Variants in STK39 observed in about 807,000 individuals in gnomAD.
STK39 encodes STE20/SPS1-related proline-alanine-rich protein kinase.
STK39 carries 20 observed loss-of-function variants against 77.8 expected under a neutral mutation model. That is an observed-to-expected ratio of 0.26 (90% CI 0.18 to 0.37). The LOEUF is 0.37. Among genes scored for constraint, STK39 ranks in the 10% least tolerant of loss-of-function variants. The probability of loss-of-function intolerance (pLI) is 1.00; values close to 1 mark genes in which losing one functional copy is unlikely to be tolerated. For synonymous variants in STK39, 246 were observed against 234.1 expected (o/e 1.05, Z -0.47); for missense variants, 479 against 656.5 (o/e 0.73, Z 2.95).
At chr2:168,152,326 A>G (rs1688309822) in intron 5 of STK39, among the ~76,000 whole-genome samples, 1 of 152,188 alleles carries the variant, frequency 6.6e-6, no homozygotes, top group Non-Finnish European at 1.5e-5. Context: ...TCTCCTCTCT[A>G]CACCCAAGAC....
chr2:168,075,260 T>A, intron 10 of STK39, 29 bp from the exon 11 acceptor site: 7 of 1,612,202 alleles, frequency 4.3e-6, no homozygotes, highest in Non-Finnish European at 5.9e-6. Flanking sequence ...ACACAATTCT[T>A]CACTAGTCAA....
intron 8 of STK39, among the ~76,000 whole-genome samples, chr2:168,134,036 C>T (rs1687769629): frequency 6.6e-6 from 1 of 152,148 alleles, no homozygotes; most frequent in African/African-American, 2.4e-5. Flanking sequence ...TACAGCCTAC[C>T]TTTTAGCTGA....
At chr2:168,140,799 A>G (rs1239296958) in intron 5 of STK39, 41 bp from the exon 6 acceptor site, 3 of 1,476,710 alleles carry the variant, frequency 2.0e-6, no homozygotes, top group East Asian at 4.6e-5. Flanking sequence ...TATGTAAGAC[A>G]TTATTGCTTA....
intron 1 of STK39, among the ~76,000 whole-genome samples, chr2:168,222,594 T>C (rs1690203426): frequency 6.6e-6 from 1 of 152,178 alleles, no homozygotes; most frequent in Admixed American, 6.5e-5. Flanking sequence ...ACCATAAGAT[T>C]AATCCCTTTT....
Position 168,247,213 on chromosome 2 carries a change from G to A in STK39, c.208+15C>T. The A allele has an allele frequency of 2.5e-6, 3 of 1,192,482 alleles. No individual in the cohort carries two copies. Among genetic ancestry groups the A allele is most frequent in the South Asian group, 2.5e-5 (1 of 40,708 alleles). 73.9% of individuals were successfully genotyped at this position (1,192,482 alleles called of 1,614,324 possible). A position where few individuals can be genotyped will look rare whatever the true frequency, so the allele number is the denominator to read the frequency against. On this transcript the variant is annotated intron_variant, in intron 1 of 17. Coordinates refer to ENST00000355999, the MANE Select transcript of STK39 (RefSeq NM_013233.3). ...GCCCGGCCTGTGCCGGCCCCGCCGC[G>A]CCCGCCGCACTGACCGATAACCTCC... is the stretch of plus-strand genomic sequence containing the variant.
intron 10 of STK39, among the ~76,000 whole-genome samples, chr2:168,097,917 T>C (rs556854490): frequency 2.0e-5 from 3 of 152,226 alleles, no homozygotes; most frequent in Non-Finnish European, 4.4e-5. Context: ...CTGTGTGCTT[T>C]TAATTTTACA....
chr2:168,132,925 C>T (rs1349660267), intron 8 of STK39, among the ~76,000 whole-genome samples: 1 of 152,184 alleles, frequency 6.6e-6, no homozygotes, highest in African/African-American at 2.4e-5. Flanking sequence ...CACATTTGGA[C>T]ACAGCACTAC....
intron 16 of STK39, among the ~76,000 whole-genome samples, chr2:168,002,508 G>A (rs890865920): frequency 6.6e-6 from 1 of 152,160 alleles, no homozygotes; most frequent in African/African-American, 2.4e-5. Context: ...CACAGGGAGT[G>A]GCTGGGCTGG....
intron 5 of STK39, among the ~76,000 whole-genome samples, chr2:168,148,416 T>C (rs1688196362): frequency 1.3e-5 from 2 of 152,174 alleles, no homozygotes; most frequent in African/African-American, 4.8e-5. Flanking sequence ...AGGAGAAAGC[T>C]TTCTGCTGTC....
In STK39 at chr2:167,954,385, T is replaced by C. The variant is rs1691712394; in HGVS notation, c.*1111A>G. The C allele has an allele frequency of 6.6e-6, 1 of 152,632 alleles. No individual in the cohort carries two copies. The highest frequency in any genetic ancestry group is 2.1e-4 in the South Asian group (1 of 4,830). The allele number at this position is 152,632 out of a possible 1,614,324, so 9.5% of individuals were successfully genotyped here. A position where few individuals can be genotyped will look rare whatever the true frequency, so the allele number is the denominator to read the frequency against. ...GGTTGAAAGTATTGATTCTTGAACC[T>C]TAACAGCGTTTTACCTTTTAGTCAT... On this transcript the variant is annotated 3_prime_UTR_variant, in exon 18 of 18. Coordinates refer to ENST00000355999, the MANE Select transcript of STK39 (RefSeq NM_013233.3).
At chr2:168,208,934 C>T (rs1027064460) in intron 1 of STK39, among the ~76,000 whole-genome samples, 1 of 152,198 alleles carries the variant, frequency 6.6e-6, no homozygotes, top group African/African-American at 2.4e-5. Flanking sequence ...AAGAAATACA[C>T]TTGTGTTGTG....
chr2:168,022,862 C>T (rs1384836196), intron 14 of STK39, among the ~76,000 whole-genome samples: 2 of 152,098 alleles, frequency 1.3e-5, no homozygotes, highest in Non-Finnish European at 2.9e-5. Flanking sequence ...GCCACAGAAA[C>T]CTAACGAAAA....
chr2:168,065,793 T>C (rs919282254), intron 12 of STK39, among the ~76,000 whole-genome samples: 5 of 152,206 alleles, frequency 3.3e-5, no homozygotes, highest in Admixed American at 2.0e-4. Flanking sequence ...TGAAAAGACG[T>C]TGGGGTTAAT....
chr2:168,037,132 C>T (rs897159632), intron 14 of STK39, among the ~76,000 whole-genome samples: 2 of 152,094 alleles, frequency 1.3e-5, no homozygotes, highest in African/African-American at 2.4e-5. Flanking sequence ...TTTTATTGGG[C>T]GTGGAAACCC....
At chr2:168,050,893 T>C (rs1039100001) in intron 14 of STK39, among the ~76,000 whole-genome samples, 4 of 152,340 alleles carry the variant, frequency 2.6e-5, no homozygotes, top group African/African-American at 4.8e-5. Context: ...AGTTAACAAC[T>C]GTATGAATTT....
intron 1 of STK39, among the ~76,000 whole-genome samples, chr2:168,194,494 A>G (rs1263284806): frequency 6.6e-6 from 1 of 152,168 alleles, no homozygotes; most frequent in Non-Finnish European, 1.5e-5. Flanking sequence ...CATAACATGT[A>G]AGTTTATTAT....
At chr2:168,233,863 A>C (rs939151514) in intron 1 of STK39, among the ~76,000 whole-genome samples, 2 of 152,198 alleles carry the variant, frequency 1.3e-5, no homozygotes, top group African/African-American at 4.8e-5. Context: ...GATATTTCTG[A>C]AAATATTGGG....
chr2:168,099,437 G>C (rs1001441003), intron 10 of STK39, among the ~76,000 whole-genome samples: 1 of 152,164 alleles, frequency 6.6e-6, no homozygotes, highest in Admixed American at 6.5e-5. Flanking sequence ...CCCAAGAAGA[G>C]TCCTATGGCT....
chr2:168,129,533 G>A lies in STK39; in HGVS notation c.1089+8C>T. 1 of 1,613,984 alleles carries A rather than the reference G, an allele frequency of 6.2e-7. No individual in the cohort carries two copies. The highest frequency in any genetic ancestry group is 1.3e-5 in the African/African-American group (1 of 75,036). ...TCCTACAGGGTCATGAAGGCTAATG[G>A]CACTTACCTTTTTGGCTCTTTGGGC... On this transcript the variant is annotated splice_region_variant and intron_variant, in intron 10 of 17. Transcript: ENST00000355999.
Sources: allele counts gnomAD v4.1 joint callset (sites outside exome capture counted in the v4.1 genomes callset), GRCh38; gene constraint gnomAD v4.1.1; transcripts MANE v1.5; gene names NCBI Gene and HGNC (gene_info 2026-07-23, HGNC 2026-07-21).